The following TC2N variants were observed in gnomAD, a reference collection of about 807,000 sequenced individuals.
TC2N encodes tandem C2 domains nuclear protein.
TC2N carries 51 observed loss-of-function variants against 61.9 expected under a neutral mutation model. The ratio of observed to expected loss-of-function variants is 0.82; its 90% CI spans 0.66 to 1.04. The LOEUF (loss-of-function observed/expected upper bound fraction) is 1.04. Ranked by LOEUF, TC2N falls within the 50% of genes least tolerant of loss-of-function variation. TC2N has a pLI of 0.00. For synonymous variants in TC2N, 204 were observed against 192.6 expected (o/e 1.06, Z -0.49); for missense variants, 556 against 566.7 (o/e 0.98, Z 0.19).
At chr14:91,816,984 T>C (rs1171955280) in intron 1 of TC2N, among the ~76,000 whole-genome samples, 1 of 151,970 alleles carries the variant, frequency 6.6e-6, no homozygotes, top group Non-Finnish European at 1.5e-5. Context: ...TGCATTTTCT[T>C]AGCTATTCTT....
At chr14:91,826,419 T>A (rs1887504744) in intron 1 of TC2N, among the ~76,000 whole-genome samples, 1 of 151,492 alleles carries the variant, frequency 6.6e-6, no homozygotes, top group Non-Finnish European at 1.5e-5. Context: ...AAAAGAAAAC[T>A]CCAACTATGA....
At chr14:91,804,607 AC>A (rs1297687227) in intron 3 of TC2N, among the ~76,000 whole-genome samples, 2 of 152,314 alleles carry the variant, frequency 1.3e-5, no homozygotes, top group African/African-American at 4.8e-5. Context: ...ACTGACAATT[AC>A]TTGAATTAAT....
intron 3 of TC2N, among the ~76,000 whole-genome samples, chr14:91,810,673 TA>T (rs1886722901): frequency 6.6e-6 from 1 of 151,884 alleles, no homozygotes; most frequent in Non-Finnish European, 1.5e-5. Context: ...TGCAATACTG[TA>T]AAAATAAGAA....
intron 1 of TC2N, among the ~76,000 whole-genome samples, chr14:91,861,946 ATGTATATGTG>A (rs1355925474): frequency 5.9e-5 from 9 of 151,510 alleles, no homozygotes; most frequent in South Asian, 2.1e-4. Context: ...ATGTTTATAT[ATGTATATGTG>A]TGTATATGTG....
intron 9 of TC2N, among the ~76,000 whole-genome samples, chr14:91,789,877 T>C (rs140930624): frequency 1.1e-4 from 16 of 152,258 alleles, no homozygotes; most frequent in Non-Finnish European, 1.8e-4. Context: ...AAAGAAAACA[T>C]TGTTAGCCTT....
chr14:91,797,931 T>C, intron 7 of TC2N, 30 bp from the exon 8 acceptor site: 1 of 1,313,366 alleles, frequency 7.6e-7, no homozygotes. Context: ...AGTTTGAATT[T>C]TACAAAGGAT....
At chr14:91,791,757 T>TA (rs201300826) in intron 9 of TC2N, among the ~76,000 whole-genome samples, 9,400 of 145,832 alleles carry the variant, frequency 0.064, 975 homozygotes, top group African/African-American at 0.22. Flanking sequence ...TAAAAAAACT[T>TA]AAAAAAAAAA....
intron 1 of TC2N, among the ~76,000 whole-genome samples, chr14:91,848,893 G>A (rs939782974): frequency 7.2e-5 from 11 of 152,038 alleles, no homozygotes; most frequent in Admixed American, 3.3e-4. Context: ...TGCTTTCACC[G>A]CTTTGGGCCA....
chr14:91,789,459 A>G (rs1566760782), intron 9 of TC2N, among the ~76,000 whole-genome samples: 1 of 151,716 alleles, frequency 6.6e-6, no homozygotes, highest in Non-Finnish European at 1.5e-5. Context: ...GAAAAAGAAA[A>G]AATTAGCCAC....
At chr14:91,850,704 C>T (rs1048558992) in intron 1 of TC2N, among the ~76,000 whole-genome samples, 3 of 152,138 alleles carry the variant, frequency 2.0e-5, no homozygotes, top group Admixed American at 6.5e-5. Flanking sequence ...AGGCCAAGGC[C>T]GGCAGATCAT....
chr14:91,806,936 G>T (rs1348366548), intron 3 of TC2N, among the ~76,000 whole-genome samples: 1 of 152,206 alleles, frequency 6.6e-6, no homozygotes, highest in African/African-American at 2.4e-5. Context: ...CCAGGCCCAG[G>T]GCCCCCCTGT....
intron 1 of TC2N, among the ~76,000 whole-genome samples, chr14:91,861,260 T>A (rs1888582841): frequency 6.6e-6 from 1 of 152,196 alleles, no homozygotes; most frequent in Non-Finnish European, 1.5e-5. Flanking sequence ...CATAAGTTGA[T>A]ACAGATACTT....
At chr14:91,816,032 A>C (rs1886987217) in intron 1 of TC2N, among the ~76,000 whole-genome samples, 1 of 151,822 alleles carries the variant, frequency 6.6e-6, no homozygotes, top group Non-Finnish European at 1.5e-5. Flanking sequence ...GTTGAAATTC[A>C]GATCAAATTT....
At chr14:91,851,243 C>T (rs928697878) in intron 1 of TC2N, among the ~76,000 whole-genome samples, 5 of 152,128 alleles carry the variant, frequency 3.3e-5, no homozygotes, top group African/African-American at 7.2e-5. Flanking sequence ...TATTTAAATG[C>T]GAATTATATA....
intron 3 of TC2N, among the ~76,000 whole-genome samples, chr14:91,809,388 A>G (rs1355705447): frequency 1.3e-5 from 2 of 152,182 alleles, no homozygotes; most frequent in African/African-American, 4.8e-5. Context: ...AGCCTGGGCA[A>G]CAGAGTGAGA....
chr14:91,864,530 C>G (rs1008726829), intron 1 of TC2N, among the ~76,000 whole-genome samples: 1 of 152,106 alleles, frequency 6.6e-6, no homozygotes, highest in African/African-American at 2.4e-5. Flanking sequence ...TAGTAGCTAT[C>G]GTGATACAAG....
intron 1 of TC2N, among the ~76,000 whole-genome samples, chr14:91,824,313 C>T (rs1343127179): frequency 6.6e-6 from 1 of 152,216 alleles, no homozygotes; most frequent in Non-Finnish European, 1.5e-5. Flanking sequence ...TGTTAAAATA[C>T]TTTTAATATC....
At chr14:91,794,709 G>A (rs370118156) in intron 8 of TC2N, among the ~76,000 whole-genome samples, 7 of 151,742 alleles carry the variant, frequency 4.6e-5, no homozygotes, top group African/African-American at 1.5e-4. Flanking sequence ...AATGCACTTC[G>A]TCACCCAAGA....
chr14:91,860,378 G>GT (rs1888566797), intron 1 of TC2N, among the ~76,000 whole-genome samples: 1 of 151,840 alleles, frequency 6.6e-6, no homozygotes, highest in African/African-American at 2.4e-5. Context: ...AATTAAGCAG[G>GT]TTTTCTTTTC....
Sources: allele counts gnomAD v4.1 joint callset (sites outside exome capture counted in the v4.1 genomes callset), GRCh38; gene constraint gnomAD v4.1.1; transcripts MANE v1.5; gene names NCBI Gene and HGNC (gene_info 2026-07-23, HGNC 2026-07-21).